GSE1: variants seen among roughly 807,000 people sequenced by gnomAD.
GSE1 encodes genetic suppressor element 1.
Under a neutral mutation model 112.6 loss-of-function variants are expected in GSE1, and 32 were observed. The ratio of observed to expected loss-of-function variants is 0.28; its 90% CI spans 0.21 to 0.38. The LOEUF (loss-of-function observed/expected upper bound fraction) is 0.38, where lower values mean the gene tolerates loss of function less well. Among genes scored for constraint, GSE1 ranks in the 10% least tolerant of loss-of-function variants. The probability of loss-of-function intolerance (pLI) is 1.00; values close to 1 mark genes in which losing one functional copy is unlikely to be tolerated. For synonymous variants in GSE1, 1,115 were observed against 735.6 expected, an observed-to-expected ratio of 1.52 and a Z score of -8.35; for missense variants, 2,348 against 1,699.2, an observed-to-expected ratio of 1.38 and a Z score of -6.71.
chr16:85,663,413 C>T lies in GSE1; in HGVS notation c.2443C>T (p.Arg815Trp), dbSNP rs199857927. The T allele has an allele frequency of 8.4e-5, 136 of 1,613,886 alleles. No individual in the cohort carries two copies. The Middle Eastern group carries it at 9.9e-4, about 12-fold the overall frequency. Residue 815 changes from arginine to tryptophan, a missense_variant, in exon 11 of 16, where the codon CGG becomes TGG. Arg to Trp is a moderately radical substitution (Grantham distance 101). Coordinates refer to ENST00000253458, the MANE Select transcript of GSE1 (RefSeq NM_014615.5). The part of the protein sequence containing the change: ...QQKEELVAQK[R>W]RKRRRMLRER... Reference sequence around the variant, plus strand: ...GAAGGAGGAATTGGTGGCCCAGAAGCGGAGGAAGCGGCGGAGGATGCTGCG... The same window carrying T: ...GAAGGAGGAATTGGTGGCCCAGAAGTGGAGGAAGCGGCGGAGGATGCTGCG...
chr16:85,499,322 T>C (rs1428347287), intron 2 of GSE1, among the ~76,000 whole-genome samples: 5 of 93,552 alleles, frequency 5.3e-5, no homozygotes, highest in Non-Finnish European at 9.7e-5. Flanking sequence ...TTTTTTTTTT[T>C]TTTTTTGAGA....
chr16:85,611,346 TG>T, upstream of GSE1: 1 of 168,084 alleles, frequency 5.9e-6, no homozygotes, highest in Non-Finnish European at 8.6e-6. Flanking sequence ...CCTGGCCGCC[TG>T]GGGCCGGGTG....
At chr16:85,466,715 G>C (rs1302166723) in intron 2 of GSE1, among the ~76,000 whole-genome samples, 1 of 109,770 alleles carries the variant, frequency 9.1e-6, no homozygotes. Flanking sequence ...GAGAGAGAGG[G>C]AGAGAGGGAG....
chr16:85,585,242 G>A (rs1013009940), intron 1 of GSE1, among the ~76,000 whole-genome samples: 4 of 152,184 alleles, frequency 2.6e-5, no homozygotes, highest in South Asian at 2.1e-4. Flanking sequence ...GTGTGTCACC[G>A]GCGTCCTGGG....
At chr16:85,426,195 A>ATGGC (rs1293255540) in intron 2 of GSE1, among the ~76,000 whole-genome samples, 1,280 of 85,290 alleles carry the variant, frequency 0.015, 17 homozygotes, top group Non-Finnish European at 0.026. Context: ...GGATAGATGG[A>ATGGC]TGGCTGGATG....
intron 1 of GSE1, among the ~76,000 whole-genome samples, chr16:85,236,023 CGGCTGG>C (rs1056844271): frequency 1.5e-4 from 20 of 134,320 alleles, no homozygotes; most frequent in Admixed American, 5.0e-4. Flanking sequence ...CCTGGGGCTG[CGGCTGG>C]GGCTGGGGCT....
chr16:85,618,664 T>C (rs1378784039), intron 1 of GSE1, among the ~76,000 whole-genome samples: 3 of 152,344 alleles, frequency 2.0e-5, no homozygotes, highest in East Asian at 1.9e-4. Context: ...CCTGTTGCTG[T>C]TGTTTTAATT....
intron 1 of GSE1, among the ~76,000 whole-genome samples, chr16:85,320,276 G>A (rs1450140516): frequency 6.6e-6 from 1 of 152,178 alleles, no homozygotes; most frequent in Non-Finnish European, 1.5e-5. Context: ...TAGCCGACCT[G>A]TGTCATTTGA....
At chr16:85,362,664 C>T (rs779270290) in intron 2 of GSE1, among the ~76,000 whole-genome samples, 13 of 152,140 alleles carry the variant, frequency 8.5e-5, no homozygotes, top group Non-Finnish European at 1.9e-4. Flanking sequence ...TTGCACACTG[C>T]ACAACTCCCG....
intron 1 of GSE1, among the ~76,000 whole-genome samples, chr16:85,338,335 C>T (rs1303284998): frequency 2.6e-5 from 4 of 152,250 alleles, no homozygotes; most frequent in Non-Finnish European, 5.9e-5. Context: ...CCCTCCTAAC[C>T]TTCCGGGCTG....
At chr16:85,668,079 T>G in intron 13 of GSE1, 61 bp from the exon 14 acceptor site, 1 of 1,324,538 alleles carries the variant, frequency 7.5e-7, no homozygotes, top group Non-Finnish European at 1.0e-6. Flanking sequence ...AGCTCCCTTC[T>G]GAGACAGCAC....
At chr16:85,450,247 T>G (rs1275433394) in intron 2 of GSE1, among the ~76,000 whole-genome samples, 1 of 147,176 alleles carries the variant, frequency 6.8e-6, no homozygotes, top group Non-Finnish European at 1.5e-5. Flanking sequence ...GCCTCCCAAG[T>G]AGCTGGGATT....
chr16:85,331,605 T>A (rs116949397), intron 1 of GSE1, among the ~76,000 whole-genome samples: 22,529 of 73,730 alleles, frequency 0.31, 4,148 homozygotes, highest in Middle Eastern at 0.41. Flanking sequence ...ATATGTGTAT[T>A]TGTGTATATA....
chr16:85,614,158 C>A (rs1262103543), intron 1 of GSE1, among the ~76,000 whole-genome samples: 3 of 151,996 alleles, frequency 2.0e-5, no homozygotes, highest in South Asian at 2.1e-4. Context: ...CGCCGCCCCC[C>A]ACCCGCACTG....
chr16:85,535,634 G>A (rs991158220), intron 2 of GSE1, among the ~76,000 whole-genome samples: 4 of 152,192 alleles, frequency 2.6e-5, no homozygotes, highest in Non-Finnish European at 5.9e-5. Flanking sequence ...GGGTGATACT[G>A]GGTGAAAGGA....
At chr16:85,504,154 G>A (rs562548108) in intron 2 of GSE1, among the ~76,000 whole-genome samples, 4 of 152,356 alleles carry the variant, frequency 2.6e-5, no homozygotes, top group South Asian at 4.1e-4. Flanking sequence ...GAGAGGTTGC[G>A]TGGAACAGGT....
chr16:85,603,539 C>T (rs1427484895), intron 1 of GSE1, among the ~76,000 whole-genome samples: 1 of 152,204 alleles, frequency 6.6e-6, no homozygotes, highest in Non-Finnish European at 1.5e-5. Flanking sequence ...CTCACTGTGT[C>T]GCCCAGGCTG....
At chr16:85,513,376 G>A (rs1022449485) in intron 2 of GSE1, among the ~76,000 whole-genome samples, 2 of 152,100 alleles carry the variant, frequency 1.3e-5, no homozygotes, top group Non-Finnish European at 2.9e-5. Flanking sequence ...TACCGTCTCT[G>A]TGCCCCCATT....
At chr16:85,659,229 T>C (rs1295166126) in intron 8 of GSE1, 1 of 152,198 alleles carries the variant, frequency 6.6e-6, no homozygotes, top group Non-Finnish European at 1.5e-5. Flanking sequence ...TAAACAGGGC[T>C]CCCGGGGCAG....
Sources: gnomAD v4.1 joint callset for allele counts (sites outside exome capture counted in the v4.1 genomes callset) on GRCh38, gnomAD v4.1.1 for gene constraint, MANE v1.5 for transcripts, NCBI Gene and HGNC (gene_info 2026-07-23, HGNC 2026-07-21) for gene names.